THNSL2: variants seen among roughly 807,000 people sequenced by gnomAD.
The protein encoded by THNSL2 is threonine synthase like 2.
In THNSL2, 34 loss-of-function variants were observed where a neutral mutation model predicts 40.0. The ratio of observed to expected loss-of-function variants is 0.85; its 90% CI spans 0.65 to 1.13. The LOEUF is 1.13. Among genes scored for constraint, THNSL2 ranks in the 50% most tolerant of loss-of-function variants. THNSL2 has a pLI of 0.00. For synonymous variants in THNSL2, 241 were observed against 247.5 expected (o/e 0.97, Z 0.25); for missense variants, 537 against 608.8 (o/e 0.88, Z 1.24).
At chr2:88,180,353 G>A (rs1408749942) in intron 5 of THNSL2, among the ~76,000 whole-genome samples, 1 of 152,180 alleles carries the variant, frequency 6.6e-6, no homozygotes, top group Non-Finnish European at 1.5e-5. Flanking sequence ...GAAAGAGAAA[G>A]TTGAGATTAG....
Position 88,182,685 on chromosome 2 carries a change from T to C in THNSL2, c.803-14T>C, listed in dbSNP as rs1677814959. The stretch of plus-strand genomic sequence containing the variant: ...TTCTAAAAAGCCATTGTTCTCCTCC[T>C]CTCTTGTCTTAAGCTGGGTACATTG... On this transcript the variant is annotated splice_polypyrimidine_tract_variant and intron_variant, in intron 5 of 8. Transcript: ENST00000674334. 6.4e-7 allele frequency: 1 copy of C among 1,555,614 alleles called. No individual in the cohort carries two copies. The highest frequency in any genetic ancestry group is 1.4e-5 in the African/African-American group (1 of 73,830).
rs906545424 is a variant in THNSL2 at position 88,178,438 on chromosome 2, A to G, written c.572-345A>G. Among the ~76,000 whole-genome samples, 5 of 152,316 alleles carry G rather than the reference A, an allele frequency of 3.3e-5. No homozygotes were observed. The South Asian group carries it at 6.2e-4, about 19-fold the overall frequency. ...CTGCGGAAGAGTGGGGGAAGTGGGC[A>G]TGGATTACAAAGAGAAATTCTCCCA... On this transcript the variant is annotated intron_variant, in intron 4 of 8. Coordinates refer to ENST00000674334, the MANE Select transcript of THNSL2 (RefSeq NM_018271.5).
Position 88,185,358 on chromosome 2 carries a change from T to C in THNSL2, c.1108T>C (p.Ser370Pro). The change falls in exon 8 of 9, where the codon TCG (serine) becomes CCG (proline). Residue 370 changes from serine to proline, a missense_variant. Coordinates refer to ENST00000674334, the MANE Select transcript of THNSL2 (RefSeq NM_018271.5). The part of the protein sequence containing the change: ...LSEAVTSVSV[S>P]DEAITQTMGR... ...AGAGGCAGTGACATCCGTGTCAGTG[T>C]CGGATGAAGCCATCACCCAGACCAT... 3.2e-5 allele frequency: 52 copies of C among 1,613,870 alleles called. No individual in the cohort carries two copies. The highest frequency in any genetic ancestry group is 4.4e-5 in the Non-Finnish European group (52 of 1,179,932).
intron 4 of THNSL2, among the ~76,000 whole-genome samples, chr2:88,178,079 A>G (rs532265803): frequency 5.9e-4 from 90 of 152,310 alleles, no homozygotes; most frequent in Middle Eastern, 3.4e-3. Context: ...ATACTCGGGT[A>G]TCAGATAAGA....
intron 8 of THNSL2, 151 bp from the exon 9 acceptor site, chr2:88,185,747 T>C (rs532036396): frequency 6.5e-7 from 1 of 1,548,362 alleles, no homozygotes; most frequent in East Asian, 2.4e-5. Context: ...TAGCAATAAG[T>C]TCAAGGTGCC....
In THNSL2 at chr2:88,170,414, T is replaced by TCGCGCCC; in HGVS notation, c.-23_-17dup. 0.19 allele frequency: 27,974 copies of TCGCGCCC among 148,980 alleles called. 2,758 individuals carry two copies. The highest frequency in any genetic ancestry group is 0.24 in the Middle Eastern group (68 of 288). The allele number at this position is 148,980 out of a possible 1,614,324, so 9.2% of individuals were successfully genotyped here. Reference sequence around the variant, plus strand: ...GGGCAGCCCTGCTGCGCACCGGGCCTCGCGCCCCGCGCCCCGCGCCCCGCG... The same window carrying TCGCGCCC: ...GGGCAGCCCTGCTGCGCACCGGGCCTCGCGCCCCGCGCCCCGCGCCCCGCGCCCCGCG... On this transcript the variant is annotated 5_prime_UTR_variant, in exon 1 of 9. Coordinates refer to ENST00000674334, the MANE Select transcript of THNSL2 (RefSeq NM_018271.5).
At position 88,173,148 on chromosome 2, in the gene THNSL2, A is replaced by T. The variant is rs747401298; in HGVS notation, c.-3A>T. The T allele has an allele frequency of 6.5e-7, 1 of 1,541,424 alleles. No homozygotes were observed. Among genetic ancestry groups the T allele is most frequent in the South Asian group, 1.3e-5 (1 of 79,792 alleles). The stretch of plus-strand genomic sequence containing the variant: ...ACTGTCCTCTCTGCAGGCCTCCAGG[A>T]TCATGTGGTATGTCAGCACCAGGGG... On this transcript the variant is annotated 5_prime_UTR_variant, in exon 2 of 9. Transcript: ENST00000674334.
chr2:88,179,198 G>C (rs371898159), intron 5 of THNSL2, among the ~76,000 whole-genome samples, 185 bp downstream of exon 5: 1 of 152,208 alleles, frequency 6.6e-6, no homozygotes. Flanking sequence ...AGCATCCTGG[G>C]ATCCTGCTGC....
At chr2:88,175,461 T>A in intron 4 of THNSL2, 60 bp downstream of exon 4, 1 of 1,587,450 alleles carries the variant, frequency 6.3e-7, no homozygotes, top group Non-Finnish European at 8.6e-7. Context: ...GGGTTTGCTT[T>A]GGGAGATGGA....
intron 3 of THNSL2, 47 bp downstream of exon 3, chr2:88,174,880 T>A: frequency 6.3e-7 from 1 of 1,594,570 alleles, no homozygotes; most frequent in Non-Finnish European, 8.6e-7. Context: ...GCTGTGACTG[T>A]AGGGTGTCCA....
Position 88,170,987 on chromosome 2 carries a change from T to C in THNSL2, c.-13+531T>C, listed in dbSNP as rs186127649. Among the ~76,000 whole-genome samples the C allele has an allele frequency of 3.3e-5, 5 of 152,308 alleles. No homozygotes were observed. The East Asian group carries it at 9.7e-4, about 29-fold the overall frequency. Reference sequence around the variant, plus strand: ...TTCCGTATTTATTTATCCTGGTTATTGGTCAGAGTTTTTCTGACCTTCTCT... The same window carrying C: ...TTCCGTATTTATTTATCCTGGTTATCGGTCAGAGTTTTTCTGACCTTCTCT... On this transcript the variant is annotated intron_variant, in intron 1 of 8. Transcript: ENST00000674334.
At chr2:88,185,269 T>G in intron 7 of THNSL2, 59 bp from the exon 8 acceptor site, 1 of 1,532,306 alleles carries the variant, frequency 6.5e-7, no homozygotes, top group Non-Finnish European at 8.8e-7. Flanking sequence ...AGTGGGGTTT[T>G]GTCATCTTTC....
intron 7 of THNSL2, among the ~76,000 whole-genome samples, chr2:88,184,827 A>G (rs1322293183): frequency 6.6e-6 from 1 of 152,184 alleles, no homozygotes; most frequent in Non-Finnish European, 1.5e-5. Flanking sequence ...AGTCAAGTAT[A>G]TGCAGGGTGT....
At chr2:88,177,163 G>C (rs1677023022) in intron 4 of THNSL2, 1 of 152,180 alleles carries the variant, frequency 6.6e-6, no homozygotes, top group African/African-American at 2.4e-5. Flanking sequence ...TGTTTCTGTT[G>C]TGTACATGTT....
At chr2:88,183,305 G>A in intron 7 of THNSL2, 2 of 471,628 alleles carry the variant, frequency 4.2e-6, no homozygotes, top group Non-Finnish European at 7.2e-6. Flanking sequence ...GAGACATTGG[G>A]CTAGTTTCCT....
rs1409012446 is a variant in THNSL2, at chr2:88,182,938, T to A, written c.952-10T>A. 1 of 1,614,000 alleles carries A rather than the reference T, an allele frequency of 6.2e-7. No individual in the cohort carries two copies. On this transcript the variant is annotated splice_polypyrimidine_tract_variant and intron_variant, in intron 6 of 8. Transcript: ENST00000674334. The stretch of plus-strand genomic sequence containing the variant: ...GATCAGTCTGGACCTGAAACTGACT[T>A]TCTGCTCAGGTGCCCTACAACATGG...
chr2:88,185,429 A>G lies in THNSL2; in HGVS notation c.1179A>G (p.Ser393=), dbSNP rs1678175223. The change falls in exon 8 of 9, where the codon TCA becomes TCG. Residue 393 remains serine (S), a synonymous_variant. Transcript: ENST00000674334. The part of the protein sequence containing the change: ...DENQYLLCPH[S]AVAVNYHYQQ... ...ACCAGTACTTGCTGTGCCCCCACTC[A>G]GCGGTGGCCGTGAACTACCATTACC... The G allele has an allele frequency of 6.2e-7, 1 of 1,613,924 alleles. No homozygotes were observed. The highest frequency in any genetic ancestry group is 2.2e-5 in the East Asian group (1 of 44,858).
At chr2:88,185,570 A>G in intron 8 of THNSL2, 91 bp downstream of exon 8, 1 of 1,551,946 alleles carries the variant, frequency 6.4e-7, no homozygotes, top group Non-Finnish European at 8.7e-7. Context: ...CAGGACTACG[A>G]AAAAATGGCT....
At chr2:88,177,463 T>A (rs1239349320) in intron 4 of THNSL2, among the ~76,000 whole-genome samples, 1 of 152,226 alleles carries the variant, frequency 6.6e-6, no homozygotes, top group Non-Finnish European at 1.5e-5. Context: ...AATCAGCAAG[T>A]GCTAGGTATT....
Sources: gnomAD v4.1 joint callset for allele counts (sites outside exome capture counted in the v4.1 genomes callset) on GRCh38, gnomAD v4.1.1 for gene constraint, MANE v1.5 for transcripts, NCBI Gene and HGNC (gene_info 2026-07-23, HGNC 2026-07-21) for gene names.